The following MAN1C1 variants were observed in gnomAD, a reference collection of about 807,000 sequenced individuals.
MAN1C1 encodes mannosyl-oligosaccharide 1,2-alpha-mannosidase IC.
MAN1C1 carries 49 observed loss-of-function variants against 71.5 expected under a neutral mutation model. That is an observed-to-expected ratio of 0.69 (90% CI 0.54 to 0.87). The LOEUF is 0.87. MAN1C1 is among the 40% of genes least tolerant of loss of function. The pLI is 0.00. For synonymous variants in MAN1C1, 352 were observed against 343.7 expected (o/e 1.02, Z -0.27); for missense variants, 743 against 835.0 (o/e 0.89, Z 1.36).
intron 5 of MAN1C1, among the ~76,000 whole-genome samples, chr1:25,755,730 G>A (rs1471394419): frequency 1.3e-5 from 2 of 152,170 alleles, no homozygotes; most frequent in Admixed American, 6.5e-5. Context: ...TACCTCCAAA[G>A]TTGATGATTA....
At position 25,618,061 on chromosome 1, in the gene MAN1C1, G is replaced by A; in HGVS notation, c.264G>A (p.Ala88=). ...QEPPPNPAPA[A]PAPGEDDPSS... ...CGCCTCCCAACCCGGCCCCCGCCGC[G>A]CCGGCCCCGGGCGAGGATGACCCCA... Residue 88 remains alanine, a synonymous_variant, in exon 1 of 12, where the codon GCG becomes GCA. Transcript: ENST00000374332. 2 of 1,550,422 alleles carry A rather than the reference G, an allele frequency of 1.3e-6. No individual in the cohort carries two copies. Among genetic ancestry groups the A allele is most frequent in the African/African-American group, 1.4e-5 (1 of 71,384 alleles).
At chr1:25,674,131 C>T (rs150781500) in intron 1 of MAN1C1, among the ~76,000 whole-genome samples, 10 of 152,352 alleles carry the variant, frequency 6.6e-5, no homozygotes, top group Admixed American at 1.3e-4. Flanking sequence ...TGTCTGTCTG[C>T]ACGCTGCACC....
At chr1:25,641,889 A>G (rs996397802) in intron 1 of MAN1C1, among the ~76,000 whole-genome samples, 6 of 152,230 alleles carry the variant, frequency 3.9e-5, no homozygotes, top group African/African-American at 1.4e-4. Context: ...TTAAAACTTT[A>G]AGAGAAATAT....
chr1:25,629,593 G>A (rs769888086), intron 1 of MAN1C1, among the ~76,000 whole-genome samples: 1 of 152,074 alleles, frequency 6.6e-6, no homozygotes, highest in Non-Finnish European at 1.5e-5. Context: ...CTGATTTCTT[G>A]TATTTTTAGT....
Position 25,633,631 on chromosome 1 carries a change from A to G in MAN1C1, c.540+15294A>G, listed in dbSNP as rs117243244. 1.9e-4 allele frequency among the ~76,000 whole-genome samples: 29 copies of G among 150,734 alleles called. No individual in the cohort carries two copies. In the East Asian group the frequency reaches 5.7e-3, roughly 29 times the overall value. ...GCTTTTGTTTCCATTTGTGTGGAAT[A>G]TCTTTTTCCACCCCTTTACTTTGAG... On this transcript the variant is annotated intron_variant, in intron 1 of 11. Coordinates refer to ENST00000374332, the MANE Select transcript of MAN1C1 (RefSeq NM_020379.4).
chr1:25,697,066 A>T (rs1440768947), intron 2 of MAN1C1, among the ~76,000 whole-genome samples: 1 of 152,128 alleles, frequency 6.6e-6, no homozygotes, highest in Non-Finnish European at 1.5e-5. Context: ...TATCATGAAC[A>T]CTAGTTTGTT....
In MAN1C1 at chr1:25,750,570, T is replaced by C. The variant is rs1212215601; in HGVS notation, c.834+1235T>C. 6.6e-5 allele frequency among the ~76,000 whole-genome samples: 10 copies of C among 152,308 alleles called. No individual in the cohort carries two copies. The East Asian group carries it at 1.9e-3, about 29-fold the overall frequency. ...TTCCGCTTCCCTTCATCTGTGAAGGTGCCAGGGGCTGAAGTCAAGGGTTTC... is the reference window on the plus strand; with the variant it reads ...TTCCGCTTCCCTTCATCTGTGAAGGCGCCAGGGGCTGAAGTCAAGGGTTTC... On this transcript the variant is annotated intron_variant, in intron 4 of 11. Transcript: ENST00000374332.
chr1:25,736,763 G>A (rs1441428819), intron 2 of MAN1C1, among the ~76,000 whole-genome samples: 2 of 152,196 alleles, frequency 1.3e-5, no homozygotes, highest in East Asian at 3.9e-4. Context: ...CCGGGCTCAA[G>A]CGATCCACCT....
At chr1:25,669,476 T>C (rs1437756340) in intron 1 of MAN1C1, among the ~76,000 whole-genome samples, 1 of 152,172 alleles carries the variant, frequency 6.6e-6, no homozygotes, top group Non-Finnish European at 1.5e-5. Context: ...GCTCAATAAA[T>C]ACTGGCACCA....
At position 25,644,160 on chromosome 1, in the gene MAN1C1, A is replaced by T. The variant is rs918544433; in HGVS notation, c.540+25823A>T. Reference sequence around the variant, plus strand: ...CAAAGGGCTGCGGAGTCACCTGAAGATGACGTGAGCCATGGGCGTGGGGGA... The same window carrying T: ...CAAAGGGCTGCGGAGTCACCTGAAGTTGACGTGAGCCATGGGCGTGGGGGA... On this transcript the variant is annotated intron_variant, in intron 1 of 11. Transcript: ENST00000374332. Among the ~76,000 whole-genome samples the T allele has an allele frequency of 1.6e-4, 25 of 152,248 alleles. No homozygotes were observed. The South Asian group carries it at 3.3e-3, about 20-fold the overall frequency.
In MAN1C1 at chr1:25,769,224, C is replaced by T. The variant is rs2047511864; in HGVS notation, c.1142-2433C>T. 6.7e-6 allele frequency among the ~76,000 whole-genome samples: 1 copy of T among 149,966 alleles called. No individual in the cohort carries two copies. Among genetic ancestry groups the T allele is most frequent in the Non-Finnish European group, 1.5e-5 (1 of 67,416 alleles). On this transcript the variant is annotated intron_variant, in intron 7 of 11. Coordinates refer to ENST00000374332, the MANE Select transcript of MAN1C1 (RefSeq NM_020379.4). This position sits in a 1 kb window ranked among gnomAD's most constrained non-coding sequence, Gnocchi z 4.8. ...ACACACCCCACACACTACACATAGT[C>T]CCCTCATACACTACACACCACACTC... is the stretch of plus-strand genomic sequence containing the variant.
At chr1:25,683,693 G>C (rs534377949) in intron 1 of MAN1C1, among the ~76,000 whole-genome samples, 11 of 152,068 alleles carry the variant, frequency 7.2e-5, no homozygotes, top group African/African-American at 2.4e-4. Flanking sequence ...TACCACCATG[G>C]CTATAGCCCA....
rs199864965 is a variant in MAN1C1 at position 25,778,212 on chromosome 1, C to G, written c.1365C>G (p.Ser455=). The change falls in exon 9 of 12, where the codon TCC becomes TCG. Residue 455 remains serine, a synonymous_variant. Coordinates refer to ENST00000374332, the MANE Select transcript of MAN1C1 (RefSeq NM_020379.4). This position sits in a 1 kb window ranked among gnomAD's most constrained non-coding sequence, Gnocchi z 5.5. ...DHKMGHLACF[S]GGMIALGAED... ...AGATGGGGCACCTGGCCTGTTTCTC[C>G]GGGGGCATGATCGCCCTTGGCGCCG... is the stretch of plus-strand genomic sequence containing the variant. 2 of 1,613,900 alleles carry G rather than the reference C, an allele frequency of 1.2e-6. No individual in the cohort carries two copies. The highest frequency in any genetic ancestry group is 2.2e-5 in the South Asian group (2 of 91,054).
chr1:25,662,606 C>T (rs1003380970), intron 1 of MAN1C1, among the ~76,000 whole-genome samples: 6 of 152,126 alleles, frequency 3.9e-5, no homozygotes, highest in African/African-American at 1.2e-4. Flanking sequence ...AAAGCCCATC[C>T]GTAAACTCCA....
At chr1:25,729,847 G>C (rs778693249) in intron 2 of MAN1C1, among the ~76,000 whole-genome samples, 4 of 152,114 alleles carry the variant, frequency 2.6e-5, no homozygotes, top group Non-Finnish European at 5.9e-5. Flanking sequence ...CCAGGTCTGT[G>C]AGGAGTGTGT....
At chr1:25,772,034 G>A in intron 8 of MAN1C1, 1 of 433,426 alleles carries the variant, frequency 2.3e-6, no homozygotes, top group South Asian at 3.1e-5. Flanking sequence ...TTTATCCAAG[G>A]TCTCACGGGA....
intron 2 of MAN1C1, among the ~76,000 whole-genome samples, chr1:25,744,708 G>A (rs1016962931): frequency 2.6e-5 from 4 of 152,172 alleles, no homozygotes; most frequent in Non-Finnish European, 5.9e-5. Flanking sequence ...AGGTGGTTAA[G>A]TGTGTGAATT....
rs572203957 is a variant in MAN1C1 at position 25,669,536 on chromosome 1, G to T, written c.541-16904G>T. ...AACCATAGCACTTTGGGAGGTCGAG[G>T]CAGGAGGATCACTTGAAGCCAAGAG... is the stretch of plus-strand genomic sequence containing the variant. On this transcript the variant is annotated intron_variant, in intron 1 of 11. Coordinates refer to ENST00000374332, the MANE Select transcript of MAN1C1 (RefSeq NM_020379.4). Among the ~76,000 whole-genome samples, 4 of 152,210 alleles carry T rather than the reference G, an allele frequency of 2.6e-5. No individual in the cohort carries two copies. In the South Asian group the frequency reaches 8.3e-4, roughly 32 times the overall value.
intron 2 of MAN1C1, among the ~76,000 whole-genome samples, chr1:25,739,058 G>A (rs191215006): frequency 1.6e-4 from 25 of 152,172 alleles, no homozygotes; most frequent in African/African-American, 4.3e-4. Flanking sequence ...CCTGCTTCTC[G>A]GGAGTTCAAG....
Sources: allele counts gnomAD v4.1 joint callset (sites outside exome capture counted in the v4.1 genomes callset), GRCh38; gene constraint gnomAD v4.1.1; non-coding constraint Gnocchi (gnomAD v3.1); transcripts MANE v1.5; gene names NCBI Gene and HGNC (gene_info 2026-07-23, HGNC 2026-07-21).